Variants in CADM2 observed in about 807,000 individuals in gnomAD.
The protein encoded by CADM2 is cell adhesion molecule 2.
A neutral mutation model predicts 49.8 loss-of-function variants in CADM2; 12 were observed. The ratio of observed to expected loss-of-function variants is 0.24; its 90% CI spans 0.15 to 0.39. The LOEUF is 0.39. Among genes scored for constraint, CADM2 ranks in the 10% least tolerant of loss-of-function variants. The pLI is 1.00. For missense variants in CADM2, 378 were observed against 492.3 expected, an observed-to-expected ratio of 0.77 and a Z score of 2.20; for synonymous variants, 214 against 175.4, an observed-to-expected ratio of 1.22 and a Z score of -1.74.
At chr3:85,810,998 G>T (rs745393789) in intron 3 of CADM2, among the ~76,000 whole-genome samples, 25 of 152,070 alleles carry the variant, frequency 1.6e-4, no homozygotes, top group Non-Finnish European at 2.6e-4. Flanking sequence ...TTTAAATAAT[G>T]ATAATATATG....
chr3:85,718,632 C>T (rs1296799098), intron 1 of CADM2, among the ~76,000 whole-genome samples: 1 of 151,916 alleles, frequency 6.6e-6, no homozygotes, highest in Non-Finnish European at 1.5e-5. Context: ...ATCATGTAAA[C>T]ATTTTATGTA....
intron 8 of CADM2, among the ~76,000 whole-genome samples, chr3:85,991,924 A>G (rs1728817240): frequency 6.6e-6 from 1 of 152,098 alleles, no homozygotes; most frequent in Admixed American, 6.5e-5. Context: ...TCATTACTAA[A>G]TCCAATTGAT....
chr3:85,279,704 G>A (rs74394199), intron 1 of CADM2, among the ~76,000 whole-genome samples: 10,040 of 151,304 alleles, frequency 0.066, 1,091 homozygotes, highest in African/African-American at 0.23. Context: ...TTTTACTGAA[G>A]CAGATATCTG....
intron 1 of CADM2, among the ~76,000 whole-genome samples, chr3:85,700,172 C>A (rs1001620003): frequency 6.6e-6 from 1 of 152,180 alleles, no homozygotes; most frequent in Non-Finnish European, 1.5e-5. Context: ...AGAATGAGTT[C>A]ATTTCCTTTG....
chr3:85,925,773 G>C (rs1004596922), intron 6 of CADM2, among the ~76,000 whole-genome samples: 1 of 152,064 alleles, frequency 6.6e-6, no homozygotes, highest in African/African-American at 2.4e-5. Flanking sequence ...TGCATACAGC[G>C]CCACAGTTCT....
At chr3:85,863,189 G>A (rs936988575) in intron 3 of CADM2, among the ~76,000 whole-genome samples, 2 of 152,162 alleles carry the variant, frequency 1.3e-5, no homozygotes, top group African/African-American at 2.4e-5. Context: ...ATGAATAGGG[G>A]AGTAGAGTGA....
chr3:85,269,846 G>A (rs2043199053), intron 1 of CADM2, among the ~76,000 whole-genome samples: 1 of 151,044 alleles, frequency 6.6e-6, no homozygotes, highest in Non-Finnish European at 1.5e-5. Flanking sequence ...TTATATTTTT[G>A]TTTTTTGTTT....
At chr3:85,766,119 G>A (rs947589507) in intron 2 of CADM2, among the ~76,000 whole-genome samples, 1 of 152,122 alleles carries the variant, frequency 6.6e-6, no homozygotes, top group African/African-American at 2.4e-5. Context: ...GTACATAGAA[G>A]AGAGTAATAC....
At position 86,039,212 on chromosome 3, in the gene CADM2, A is replaced by AAGTGGGTGCAGGAC. The variant is rs543728351; in HGVS notation, c.971-26381_971-26368dup. On this transcript the variant is annotated intron_variant, in intron 8 of 9. Coordinates refer to ENST00000383699, the MANE Select transcript of CADM2 (RefSeq NM_001167675.2). ...GTTCATCTCACTTGGGAGTGTCGGA[A>AAGTGGGTGCAGGAC]AGTGGGTGCAGGACAGTGGGTGCAG... Among the ~76,000 whole-genome samples the AAGTGGGTGCAGGAC allele has an allele frequency of 5.4e-3, 824 of 152,142 alleles. 28 individuals carry two copies. Among genetic ancestry groups the AAGTGGGTGCAGGAC allele is most frequent in the Admixed American group, 0.049 (741 of 15,264 alleles).
chr3:85,762,381 G>C (rs1034349991), intron 2 of CADM2, among the ~76,000 whole-genome samples: 2 of 151,868 alleles, frequency 1.3e-5, no homozygotes, highest in Non-Finnish European at 2.9e-5. Context: ...ACATTTACTG[G>C]AATCAACATT....
intron 1 of CADM2, among the ~76,000 whole-genome samples, chr3:85,212,883 T>TC (rs1559723892): frequency 1.3e-4 from 18 of 134,160 alleles, no homozygotes; most frequent in Admixed American, 6.7e-4. Context: ...TCTTTCTTTC[T>TC]TTCTCTTTCT....
intron 1 of CADM2, among the ~76,000 whole-genome samples, chr3:85,458,727 C>T (rs1016526600): frequency 1.3e-5 from 2 of 152,100 alleles, no homozygotes; most frequent in Non-Finnish European, 2.9e-5. Context: ...CTACACTCTT[C>T]CTCTTTAACC....
chr3:86,074,122 T>A lies in CADM2; in HGVS notation c.*7339T>A, dbSNP rs981137442. 6.6e-6 allele frequency: 1 copy of A among 152,018 alleles called. No homozygotes were observed. The highest frequency in any genetic ancestry group is 1.5e-5 in the Non-Finnish European group (1 of 67,888). 9.4% of individuals were successfully genotyped at this position (152,018 alleles called of 1,614,324 possible). On this transcript the variant is annotated 3_prime_UTR_variant, in exon 10 of 10. Coordinates refer to ENST00000383699, the MANE Select transcript of CADM2 (RefSeq NM_001167675.2). The stretch of plus-strand genomic sequence containing the variant: ...GAACAGAAGCAAAAATACCTAAACC[T>A]ATTTTTTTTAACCTTCACACTCTAA...
chr3:84,962,203 A>C lies in CADM2; in HGVS notation c.61+2535A>C, dbSNP rs1354401316. Reference sequence around the variant, plus strand: ...GCAACCAGGGAAAGAGCACAAGTCCATCCATGTCTGTGGACTTAGGAGCAT... The same window carrying C: ...GCAACCAGGGAAAGAGCACAAGTCCCTCCATGTCTGTGGACTTAGGAGCAT... On this transcript the variant is annotated intron_variant, in intron 1 of 9. Coordinates refer to ENST00000383699, the MANE Select transcript of CADM2 (RefSeq NM_001167675.2). Among the ~76,000 whole-genome samples, 5 of 151,826 alleles carry C rather than the reference A, an allele frequency of 3.3e-5. No individual in the cohort carries two copies. In the East Asian group the frequency reaches 9.7e-4, roughly 29 times the overall value.
intron 1 of CADM2, among the ~76,000 whole-genome samples, chr3:85,143,825 T>C (rs959812606): frequency 2.6e-5 from 4 of 152,200 alleles, no homozygotes; most frequent in African/African-American, 9.6e-5. Flanking sequence ...ATATTTCTGA[T>C]TGCATATTCA....
At chr3:85,706,860 A>G (rs1384708836) in intron 1 of CADM2, among the ~76,000 whole-genome samples, 2 of 152,186 alleles carry the variant, frequency 1.3e-5, no homozygotes, top group African/African-American at 2.4e-5. Context: ...GGTTTTAATA[A>G]TTGTCCTATC....
Position 85,775,462 on chromosome 3 carries a change from G to A in CADM2, c.89-26585G>A, listed in dbSNP as rs376126606. On this transcript the variant is annotated intron_variant, in intron 2 of 9. Coordinates refer to ENST00000383699, the MANE Select transcript of CADM2 (RefSeq NM_001167675.2). ...CTTAAAGACATAGTTCAACAAATTT[G>A]CATAGCATTCAACAGATTGTGATGA... Among the ~76,000 whole-genome samples the A allele has an allele frequency of 9.9e-5, 15 of 151,808 alleles. No homozygotes were observed. The East Asian group carries it at 2.3e-3, about 24-fold the overall frequency.
intron 1 of CADM2, among the ~76,000 whole-genome samples, chr3:85,598,709 A>G (rs967101371): frequency 1.6e-4 from 24 of 152,080 alleles, no homozygotes; most frequent in African/African-American, 5.5e-4. Flanking sequence ...TGCTGATAAT[A>G]TAGCAGAAAA....
chr3:86,027,656 A>C (rs1440924461), intron 8 of CADM2, among the ~76,000 whole-genome samples: 1 of 152,212 alleles, frequency 6.6e-6, no homozygotes, highest in Non-Finnish European at 1.5e-5. Flanking sequence ...CTGGAGGATA[A>C]GAGTTATTTT....
Sources: gnomAD v4.1 joint callset for allele counts (sites outside exome capture counted in the v4.1 genomes callset) on GRCh38, gnomAD v4.1.1 for gene constraint, MANE v1.5 for transcripts, NCBI Gene and HGNC (gene_info 2026-07-23, HGNC 2026-07-21) for gene names.